The following UNC13C variants were observed in gnomAD, a reference collection of about 807,000 sequenced individuals.
UNC13C encodes unc-13 homolog C, also known as protein unc-13 homolog C.
UNC13C carries 174 observed loss-of-function variants against 245.4 expected under a neutral mutation model. The observed-to-expected ratio is 0.71, with a 90% CI of 0.63 to 0.80. UNC13C has a LOEUF of 0.80. Among genes scored for constraint, UNC13C ranks in the 30% least tolerant of loss-of-function variants. The pLI is 0.00. For missense variants in UNC13C, 2,829 were observed against 2,602.9 expected (o/e 1.09, Z -1.89); for synonymous variants, 992 against 895.1 (o/e 1.11, Z -1.93).
At chr15:54,207,362 C>T (rs2034748935) in intron 4 of UNC13C, among the ~76,000 whole-genome samples, 1 of 152,070 alleles carries the variant, frequency 6.6e-6, no homozygotes, top group African/African-American at 2.4e-5. Flanking sequence ...TTATAATTTT[C>T]TTATTTTCTT....
chr15:54,628,715 G>A (rs11856308), downstream of UNC13C: 1 of 151,950 alleles, frequency 6.6e-6, no homozygotes. Flanking sequence ...CATATTATTT[G>A]GTTCTAACAT....
At chr15:53,996,288 T>C (rs1030289362) in intron 1 of UNC13C, among the ~76,000 whole-genome samples, 5 of 152,214 alleles carry the variant, frequency 3.3e-5, no homozygotes, top group African/African-American at 1.2e-4. Flanking sequence ...TCAGTTCGTC[T>C]TTAATCAAGA....
rs997172852 is a variant in UNC13C at position 54,408,694 on chromosome 15, C to T, written c.4848-6288C>T. 2.0e-5 allele frequency among the ~76,000 whole-genome samples: 3 copies of T among 152,176 alleles called. No individual in the cohort carries two copies. In the East Asian group the frequency reaches 5.8e-4, roughly 29 times the overall value. On this transcript the variant is annotated intron_variant, in intron 18 of 32. Coordinates refer to ENST00000260323, the MANE Select transcript of UNC13C (RefSeq NM_001080534.3). ...AAAAATTAAAAGCGTGACTCCCCAA[C>T]CTAAGCTTTACAAATTTTCAGTAGT...
At chr15:53,945,644 T>C in the UNC13C span, among the ~76,000 whole-genome samples, 2 of 152,240 alleles carry the variant, frequency 1.3e-5, no homozygotes, top group Non-Finnish European at 2.9e-5. Flanking sequence ...TTTGTTACCA[T>C]AGCCCTGTAG....
At chr15:54,209,481 C>T (rs930563615) in intron 4 of UNC13C, among the ~76,000 whole-genome samples, 6 of 151,836 alleles carry the variant, frequency 4.0e-5, no homozygotes, top group Admixed American at 1.3e-4. Flanking sequence ...TGCACAATCA[C>T]GGCTCACTGC....
At chr15:54,161,516 TAAC>T (rs1239556146) in intron 4 of UNC13C, among the ~76,000 whole-genome samples, 1 of 152,174 alleles carries the variant, frequency 6.6e-6, no homozygotes, top group African/African-American at 2.4e-5. Flanking sequence ...AGAGCATTAA[TAAC>T]AACTGCCAGA....
At chr15:54,570,017 C>T (rs1010086571) in intron 30 of UNC13C, among the ~76,000 whole-genome samples, 5 of 152,048 alleles carry the variant, frequency 3.3e-5, no homozygotes, top group African/African-American at 1.2e-4. Context: ...CCTCCTTCCC[C>T]ATCCACTTAC....
intron 2 of UNC13C, among the ~76,000 whole-genome samples, chr15:54,087,074 A>T (rs1055555304): frequency 1.3e-5 from 2 of 152,136 alleles, no homozygotes; most frequent in Admixed American, 6.5e-5. Flanking sequence ...AGTTACTGGA[A>T]GCACTATTTT....
chr15:54,402,185 A>C (rs550144784), intron 18 of UNC13C, among the ~76,000 whole-genome samples: 9 of 152,214 alleles, frequency 5.9e-5, no homozygotes, highest in African/African-American at 1.9e-4. Flanking sequence ...GTAGCGAAAA[A>C]ACCCACAGAT....
At chr15:54,045,522 T>C (rs571014330) in intron 2 of UNC13C, among the ~76,000 whole-genome samples, 1 of 152,274 alleles carries the variant, frequency 6.6e-6, no homozygotes, top group Non-Finnish European at 1.5e-5. Context: ...GGTGGAATTA[T>C]TACCATGTGT....
chr15:54,441,054 T>C (rs2140990036), intron 19 of UNC13C, among the ~76,000 whole-genome samples: 1 of 152,238 alleles, frequency 6.6e-6, no homozygotes, highest in Admixed American at 6.5e-5. Flanking sequence ...ATATACTGAA[T>C]ATTTGTTCCT....
intron 14 of UNC13C, among the ~76,000 whole-genome samples, chr15:54,329,193 A>G (rs2038376643): frequency 6.6e-6 from 1 of 151,328 alleles, no homozygotes; most frequent in South Asian, 2.1e-4. Flanking sequence ...TACAAGATAA[A>G]TTTTGATACA....
chr15:54,212,611 TC>T (rs1245322082), intron 4 of UNC13C, among the ~76,000 whole-genome samples: 2 of 151,984 alleles, frequency 1.3e-5, no homozygotes, highest in Non-Finnish European at 2.9e-5. Flanking sequence ...CAACCAAATA[TC>T]CCAAATCTAC....
chr15:53,930,207 C>T, the UNC13C span, among the ~76,000 whole-genome samples: 3 of 152,154 alleles, frequency 2.0e-5, no homozygotes, highest in African/African-American at 4.8e-5. Flanking sequence ...TTCACATGGC[C>T]CCTTTCTTCA....
intron 13 of UNC13C, among the ~76,000 whole-genome samples, chr15:54,305,648 C>T (rs928048128): frequency 2.0e-5 from 3 of 151,974 alleles, no homozygotes; most frequent in African/African-American, 7.2e-5. Flanking sequence ...AACCAACCAA[C>T]GAAAGAACAA....
chr15:54,245,374 C>A (rs990176596), intron 7 of UNC13C, among the ~76,000 whole-genome samples: 2 of 152,074 alleles, frequency 1.3e-5, no homozygotes, highest in African/African-American at 4.8e-5. Flanking sequence ...TTTATTTGGA[C>A]TCACCCCATA....
At chr15:54,447,134 A>T (rs1419582290) in intron 19 of UNC13C, among the ~76,000 whole-genome samples, 1 of 152,174 alleles carries the variant, frequency 6.6e-6, no homozygotes, top group African/African-American at 2.4e-5. Context: ...CATCCCAGGT[A>T]TGAAGCCCAC....
intron 2 of UNC13C, among the ~76,000 whole-genome samples, chr15:54,093,420 C>T (rs1045420029): frequency 2.6e-5 from 4 of 152,126 alleles, no homozygotes; most frequent in Admixed American, 2.0e-4. Context: ...TTAAATTGTC[C>T]TTTGCTTTTA....
intron 16 of UNC13C, among the ~76,000 whole-genome samples, chr15:54,335,522 C>T (rs935394433): frequency 6.6e-6 from 1 of 152,106 alleles, no homozygotes; most frequent in East Asian, 1.9e-4. Context: ...TTCCATGAGC[C>T]TACAAAATTC....
Sources: allele counts gnomAD v4.1 joint callset (sites outside exome capture counted in the v4.1 genomes callset), GRCh38; gene constraint gnomAD v4.1.1; transcripts MANE v1.5; gene names NCBI Gene and HGNC (gene_info 2026-07-23, HGNC 2026-07-21).